Variants in CDK14 observed in about 807,000 individuals in gnomAD.
The protein encoded by CDK14 is cyclin dependent kinase 14.
Under a neutral mutation model 60.7 loss-of-function variants are expected in CDK14, and 34 were observed. The ratio of observed to expected loss-of-function variants is 0.56; its 90% confidence interval spans 0.43 to 0.75. The LOEUF is 0.75. Ranked by LOEUF, CDK14 falls within the 30% of genes least tolerant of loss-of-function variation. The probability of loss-of-function intolerance (pLI) is 0.00; values close to 1 mark genes in which losing one functional copy is unlikely to be tolerated. For synonymous variants in CDK14, 197 were observed against 203.7 expected (o/e 0.97, Z 0.28); for missense variants, 482 against 564.1 (o/e 0.85, Z 1.47).
chr7:91,035,090 A>G (rs1562877135), intron 10 of CDK14, among the ~76,000 whole-genome samples: 1 of 152,152 alleles, frequency 6.6e-6, no homozygotes, highest in Non-Finnish European at 1.5e-5. Flanking sequence ...GAAAGCTTTC[A>G]TGACTAACTT....
chr7:90,811,489 C>T (rs566073092), intron 5 of CDK14, among the ~76,000 whole-genome samples: 7 of 152,230 alleles, frequency 4.6e-5, no homozygotes, highest in South Asian at 2.1e-4. Flanking sequence ...AAGACTTAAA[C>T]GTTAGACCTC....
intron 10 of CDK14, among the ~76,000 whole-genome samples, chr7:91,015,564 G>A (rs1160983898): frequency 1.2e-5 from 1 of 84,810 alleles, no homozygotes; most frequent in East Asian, 3.6e-4. Context: ...GTCTCGCTTT[G>A]TTGCCCAGGC....
rs929916908 is a variant in CDK14, at chr7:90,613,446, C to T, written c.123+9197C>T. Among the ~76,000 whole-genome samples the T allele has an allele frequency of 7.9e-5, 12 of 152,172 alleles. 1 individual carries two copies. Among genetic ancestry groups the T allele is most frequent in the African/African-American group, 2.9e-4 (12 of 41,524 alleles). On this transcript the variant is annotated intron_variant, in intron 2 of 14. Coordinates refer to ENST00000380050, the MANE Select transcript of CDK14 (RefSeq NM_001287135.2). ...CCTTTGGGCCGGGCCTGGTGGCAAT[C>T]CCAGCACCTTGGGAGGGATCACTTG...
At chr7:91,201,828 G>A (rs950506815) in intron 14 of CDK14, among the ~76,000 whole-genome samples, 6 of 152,192 alleles carry the variant, frequency 3.9e-5, no homozygotes, top group East Asian at 1.9e-4. Flanking sequence ...GCTCAAAAGA[G>A]TGATGAAGCA....
chr7:91,007,878 G>A (rs1584224665), intron 10 of CDK14, among the ~76,000 whole-genome samples: 1 of 151,792 alleles, frequency 6.6e-6, no homozygotes, highest in East Asian at 1.9e-4. Context: ...TTATGTGCTT[G>A]AAATCTTTTT....
chr7:90,857,271 C>T (rs2117200681), intron 5 of CDK14, among the ~76,000 whole-genome samples: 2 of 152,254 alleles, frequency 1.3e-5, no homozygotes, highest in South Asian at 4.1e-4. Context: ...TGTTTATTCT[C>T]AAAGTGGGAT....
At chr7:91,081,313 A>T (rs190557482) in intron 12 of CDK14, among the ~76,000 whole-genome samples, 12 of 152,358 alleles carry the variant, frequency 7.9e-5, no homozygotes, top group African/African-American at 2.9e-4. Flanking sequence ...CAAAAGAACT[A>T]CATTAAAAGA....
chr7:91,015,653 G>A (rs571909883), intron 10 of CDK14, among the ~76,000 whole-genome samples: 3 of 147,746 alleles, frequency 2.0e-5, no homozygotes, highest in East Asian at 4.0e-4. Flanking sequence ...TCAGCCTCCC[G>A]AGTAACTGGG....
At chr7:90,668,958 T>A (rs1268291409) in intron 2 of CDK14, among the ~76,000 whole-genome samples, 2 of 151,960 alleles carry the variant, frequency 1.3e-5, no homozygotes, top group African/African-American at 4.8e-5. Context: ...ACTCAAATGA[T>A]CCCTGCTGCT....
At chr7:90,846,503 G>A in intron 5 of CDK14, among the ~76,000 whole-genome samples, 1 of 152,144 alleles carries the variant, frequency 6.6e-6, no homozygotes, top group East Asian at 1.9e-4. Context: ...GACTCATTTT[G>A]TTAGAAGTAG....
chr7:91,018,358 A>C (rs1469465236), intron 10 of CDK14, among the ~76,000 whole-genome samples: 1 of 152,212 alleles, frequency 6.6e-6, no homozygotes, highest in Non-Finnish European at 1.5e-5. Context: ...AGCTGGGTAA[A>C]TTATAAACAA....
chr7:90,993,653 G>A (rs553899073), intron 10 of CDK14, among the ~76,000 whole-genome samples: 2 of 152,236 alleles, frequency 1.3e-5, no homozygotes, highest in South Asian at 4.2e-4. Context: ...TGCATATGGA[G>A]GGCAGATGTT....
chr7:90,657,254 T>C (rs1365506140), intron 2 of CDK14, among the ~76,000 whole-genome samples: 1 of 152,194 alleles, frequency 6.6e-6, no homozygotes, highest in East Asian at 1.9e-4. Flanking sequence ...AATCATTCAC[T>C]GTGATAAGGA....
intron 14 of CDK14, among the ~76,000 whole-genome samples, chr7:91,148,113 G>A (rs188225458): frequency 7.2e-5 from 11 of 152,106 alleles, no homozygotes; most frequent in South Asian, 4.1e-4. Flanking sequence ...GGTGATTCAC[G>A]CCTGTAATCT....
chr7:91,105,249 A>T (rs1438084241), intron 12 of CDK14, among the ~76,000 whole-genome samples: 1 of 152,256 alleles, frequency 6.6e-6, no homozygotes, highest in Non-Finnish European at 1.5e-5. Flanking sequence ...GGATCAGGAA[A>T]CAAGGCCTTC....
At chr7:90,981,843 C>T (rs1795236832) in intron 9 of CDK14, among the ~76,000 whole-genome samples, 1 of 33,368 alleles carries the variant, frequency 3.0e-5, no homozygotes, top group Admixed American at 3.4e-4. Context: ...ACTGGATCAT[C>T]TGAACATCTA....
intron 10 of CDK14, among the ~76,000 whole-genome samples, chr7:90,994,374 CTG>C (rs1377385877): frequency 6.6e-6 from 1 of 152,272 alleles, no homozygotes; most frequent in Admixed American, 6.5e-5. Flanking sequence ...CAGATGGAAA[CTG>C]TGTGGTTTCT....
intron 2 of CDK14, among the ~76,000 whole-genome samples, chr7:90,684,414 C>T (rs1432405658): frequency 6.6e-6 from 1 of 152,170 alleles, no homozygotes; most frequent in Non-Finnish European, 1.5e-5. Context: ...GGCAGTGGGG[C>T]TATATTACAC....
At chr7:90,641,134 G>A (rs984533998) in intron 2 of CDK14, among the ~76,000 whole-genome samples, 2 of 151,618 alleles carry the variant, frequency 1.3e-5, no homozygotes, top group African/African-American at 4.9e-5. Context: ...ACAGGTAATT[G>A]CAAATGTTGG....
Sources: gnomAD v4.1 joint callset for allele counts (sites outside exome capture counted in the v4.1 genomes callset) on GRCh38, gnomAD v4.1.1 for gene constraint, MANE v1.5 for transcripts, NCBI Gene and HGNC (gene_info 2026-07-23, HGNC 2026-07-21) for gene names.